ARID2: variants seen among roughly 807,000 people sequenced by gnomAD.
ARID2 encodes AT-rich interaction domain 2, also known as AT-rich interactive domain-containing protein 2.
ARID2 carries 32 observed loss-of-function variants against 184.6 expected under a neutral mutation model. The observed-to-expected ratio is 0.17, with a 90% confidence interval of 0.13 to 0.23. ARID2 has a LOEUF of 0.23. Ranked by LOEUF, ARID2 falls within the 10% of genes least tolerant of loss-of-function variation. The pLI is 1.00. For synonymous variants in ARID2, 836 were observed against 772.6 expected, an observed-to-expected ratio of 1.08 and a Z score of -1.36; for missense variants, 1,696 against 2,197.6, an observed-to-expected ratio of 0.77 and a Z score of 4.56.
At chr12:45,897,231 T>A (rs1448580811) in intron 20 of ARID2, among the ~76,000 whole-genome samples, 2 of 152,170 alleles carry the variant, frequency 1.3e-5, no homozygotes, top group African/African-American at 2.4e-5. Flanking sequence ...GATATGTACA[T>A]CAAAACAATG....
At chr12:45,811,144 G>A (rs1452987990) in intron 3 of ARID2, among the ~76,000 whole-genome samples, 2 of 151,522 alleles carry the variant, frequency 1.3e-5, no homozygotes, top group African/African-American at 2.4e-5. Context: ...TGGAGGCGGA[G>A]CTTGCAGTGA....
intron 16 of ARID2, among the ~76,000 whole-genome samples, chr12:45,876,571 A>T (rs1944012766): frequency 1.4e-5 from 1 of 72,134 alleles, no homozygotes; most frequent in Admixed American, 1.5e-4. Context: ...AAAAAAAGGA[A>T]AAAAAAAAAA....
chr12:45,835,674 G>C (rs887084452), intron 6 of ARID2, among the ~76,000 whole-genome samples: 1 of 152,164 alleles, frequency 6.6e-6, no homozygotes, highest in Non-Finnish European at 1.5e-5. Flanking sequence ...GGCAGAGGCA[G>C]GCGGATCACA....
chr12:45,842,593 C>T (rs915429203), intron 11 of ARID2, among the ~76,000 whole-genome samples: 18 of 151,854 alleles, frequency 1.2e-4, no homozygotes, highest in Admixed American at 1.0e-3. Context: ...CCCATCTCTA[C>T]TAAAAATACA....
At chr12:45,900,400 C>T (rs1344610924) in intron 20 of ARID2, among the ~76,000 whole-genome samples, 1 of 152,082 alleles carries the variant, frequency 6.6e-6, no homozygotes, top group Non-Finnish European at 1.5e-5. Flanking sequence ...GCATGAGTGC[C>T]ATGCTTTTTG....
intron 3 of ARID2, among the ~76,000 whole-genome samples, chr12:45,772,978 G>A (rs146359825): frequency 1.3e-5 from 2 of 152,124 alleles, no homozygotes; most frequent in African/African-American, 4.8e-5. Context: ...TAGTGCAAAC[G>A]GAATATTCTC....
intron 3 of ARID2, among the ~76,000 whole-genome samples, chr12:45,790,072 A>G (rs1430297918): frequency 1.3e-5 from 2 of 152,208 alleles, no homozygotes; most frequent in African/African-American, 2.4e-5. Flanking sequence ...ACCTTCCTCT[A>G]TACTTATAAC....
intron 3 of ARID2, among the ~76,000 whole-genome samples, chr12:45,807,559 C>T (rs1468268000): frequency 2.0e-5 from 3 of 151,968 alleles, no homozygotes; most frequent in African/African-American, 7.2e-5. Context: ...TACTATTGTG[C>T]TAGTCTTTAT....
chr12:45,814,263 C>CTT (rs1045915553), intron 4 of ARID2, among the ~76,000 whole-genome samples: 3 of 152,142 alleles, frequency 2.0e-5, no homozygotes, highest in Non-Finnish European at 4.4e-5. Context: ...AGGAACAACT[C>CTT]TCCCTTTCTT....
intron 3 of ARID2, among the ~76,000 whole-genome samples, chr12:45,754,011 A>G (rs1248543493): frequency 6.6e-6 from 1 of 152,234 alleles, no homozygotes; most frequent in Non-Finnish European, 1.5e-5. Context: ...TTCTAAAGCA[A>G]CTACTAAAAA....
intron 6 of ARID2, among the ~76,000 whole-genome samples, chr12:45,832,100 T>A (rs967680810): frequency 7.9e-5 from 12 of 152,206 alleles, no homozygotes; most frequent in Admixed American, 6.5e-4. Context: ...AAATTAATGA[T>A]GTAGTTGAGT....
intron 3 of ARID2, among the ~76,000 whole-genome samples, chr12:45,779,384 TATTTC>T (rs1942046560): frequency 1.3e-5 from 2 of 152,148 alleles, no homozygotes; most frequent in South Asian, 4.1e-4. Flanking sequence ...AAATCTTTAC[TATTTC>T]ATTTGTGAAA....
rs1412402523 is a variant in ARID2, at chr12:45,852,655, A to G, written c.4532A>G (p.Glu1511Gly). ...SDVRSTNGTAECKTVKRPAED... is the reference protein window; with the variant it reads ...SDVRSTNGTAGCKTVKRPAED... ...GTTCGGTCTACAAATGGCACAGCAGAATGCAAAACTGTAAAGAGGCCAGCA... is the reference window on the plus strand; with the variant it reads ...GTTCGGTCTACAAATGGCACAGCAGGATGCAAAACTGTAAAGAGGCCAGCA... Residue 1511 changes from glutamate to glycine, a missense_variant, in exon 15 of 21, where the codon GAA becomes GGA. By Grantham distance (98) the Glu-to-Gly change is moderately conservative. Coordinates refer to ENST00000334344, the MANE Select transcript of ARID2 (RefSeq NM_152641.4). 6.2e-7 allele frequency: 1 copy of G among 1,614,182 alleles called. No individual in the cohort carries two copies. The highest frequency in any genetic ancestry group is 1.1e-5 in the South Asian group (1 of 91,082).
At chr12:45,898,879 A>G (rs1054664052) in intron 20 of ARID2, among the ~76,000 whole-genome samples, 21 of 152,004 alleles carry the variant, frequency 1.4e-4, no homozygotes, top group Admixed American at 2.6e-4. Flanking sequence ...ATGCCACTGT[A>G]CTCCAGCCTG....
rs2136462730 is a variant in ARID2, at chr12:45,893,598, A to T, written c.5272-32A>T. On this transcript the variant is annotated intron_variant, in intron 19 of 20. Transcript: ENST00000334344. ...AAAGTCTGAGTCCTGTATGATTTAG[A>T]TCTTTATTCTTTTTTTTCCTTTCTT... 1.9e-6 allele frequency: 3 copies of T among 1,603,150 alleles called. No individual in the cohort carries two copies. The East Asian group carries it at 6.7e-5, about 36-fold the overall frequency.
At chr12:45,887,306 C>G (rs893836688) in intron 16 of ARID2, among the ~76,000 whole-genome samples, 1 of 152,136 alleles carries the variant, frequency 6.6e-6, no homozygotes, top group South Asian at 2.1e-4. Context: ...AAACTTGTTA[C>G]AGTAATTATA....
rs1042515778 is a variant in ARID2 at position 45,866,271 on chromosome 12, C to T, written c.4922+5322C>T. On this transcript the variant is annotated intron_variant, in intron 16 of 20. Transcript: ENST00000334344. Reference sequence around the variant, plus strand: ...ATCTGCATTGGTAAATAGAACTGCTCGTCCTTTTTTTGACAGGATTACTCT... The same window carrying T: ...ATCTGCATTGGTAAATAGAACTGCTTGTCCTTTTTTTGACAGGATTACTCT... Among the ~76,000 whole-genome samples, 8 of 152,122 alleles carry T rather than the reference C, an allele frequency of 5.3e-5. No homozygotes were observed. The East Asian group carries it at 1.2e-3, about 22-fold the overall frequency.
intron 7 of ARID2, 25 bp from the exon 8 acceptor site, chr12:45,836,716 G>A (rs2138126173): frequency 6.3e-7 from 1 of 1,599,946 alleles, no homozygotes; most frequent in Middle Eastern, 1.7e-4. Flanking sequence ...GAAATATTAA[G>A]TGAAATATGT....
intron 3 of ARID2, among the ~76,000 whole-genome samples, chr12:45,782,289 T>C (rs1310659755): frequency 6.6e-6 from 1 of 151,612 alleles, no homozygotes; most frequent in Non-Finnish European, 1.5e-5. Flanking sequence ...ACGGAGGAGA[T>C]TAAAAAAATG....
Sources: allele counts gnomAD v4.1 joint callset (sites outside exome capture counted in the v4.1 genomes callset), GRCh38; gene constraint gnomAD v4.1.1; transcripts MANE v1.5; gene names NCBI Gene and HGNC (gene_info 2026-07-23, HGNC 2026-07-21).